Variants in TBC1D32 observed in about 807,000 individuals in gnomAD.
The protein encoded by TBC1D32 is TBC1 domain family member 32, also known as protein broad-minded.
A neutral mutation model predicts 170.3 loss-of-function variants in TBC1D32; 151 were observed. The observed-to-expected ratio is 0.89, with a 90% CI of 0.78 to 1.01. The LOEUF is 1.01. TBC1D32 is among the 50% of genes least tolerant of loss of function. The pLI is 0.00. For missense variants in TBC1D32, 1,464 were observed against 1,457.1 expected (o/e 1.00, Z -0.08); for synonymous variants, 498 against 488.0 (o/e 1.02, Z -0.27).
chr6:121,155,691 G>A (rs1274227929), intron 24 of TBC1D32, among the ~76,000 whole-genome samples: 1 of 152,052 alleles, frequency 6.6e-6, no homozygotes, highest in Middle Eastern at 3.2e-3. Context: ...TTTATGCCTA[G>A]CCTATTGAGG....
intron 24 of TBC1D32, among the ~76,000 whole-genome samples, chr6:121,132,931 G>A (rs914957843): frequency 6.6e-6 from 1 of 151,926 alleles, no homozygotes; most frequent in African/African-American, 2.4e-5. Context: ...GGTGACGAAA[G>A]AGGCAAAGAT....
chr6:121,110,930 G>A (rs1779142742), intron 29 of TBC1D32, among the ~76,000 whole-genome samples: 1 of 152,100 alleles, frequency 6.6e-6, no homozygotes, highest in Admixed American at 6.6e-5. Context: ...CATTCAACTT[G>A]ATGTATTTGT....
intron 24 of TBC1D32, 104 bp downstream of exon 24, chr6:121,159,906 A>T: frequency 1.3e-6 from 1 of 755,868 alleles, no homozygotes; most frequent in South Asian, 1.8e-5. Flanking sequence ...ACACATGTAT[A>T]CATGCTAAAT....
chr6:121,203,266 T>C (rs1791829299), intron 22 of TBC1D32, among the ~76,000 whole-genome samples: 1 of 151,388 alleles, frequency 6.6e-6, no homozygotes, highest in Non-Finnish European at 1.5e-5. Flanking sequence ...CTTACAAATA[T>C]ACCTGACCTA....
intron 1 of TBC1D32, among the ~76,000 whole-genome samples, chr6:121,322,781 T>C (rs749722275): frequency 3.9e-5 from 6 of 152,210 alleles, no homozygotes; most frequent in Non-Finnish European, 7.4e-5. Context: ...GGTTGAAATA[T>C]AGCATTGGGG....
chr6:121,137,635 T>C (rs1349859467), intron 24 of TBC1D32, among the ~76,000 whole-genome samples: 1 of 151,954 alleles, frequency 6.6e-6, no homozygotes, highest in Non-Finnish European at 1.5e-5. Flanking sequence ...GTAAGCATTA[T>C]AATCTTTTTA....
intron 21 of TBC1D32, among the ~76,000 whole-genome samples, chr6:121,216,705 T>C (rs1793869369): frequency 6.6e-6 from 1 of 152,144 alleles, no homozygotes; most frequent in African/African-American, 2.4e-5. Context: ...ATGAAGCTGG[T>C]TGGTTGCTTC....
chr6:121,223,277 T>C lies in TBC1D32; in HGVS notation c.2440A>G (p.Lys814Glu), dbSNP rs745953529. The C allele has an allele frequency of 4.4e-6, 7 of 1,591,924 alleles. No homozygotes were observed. The highest frequency in any genetic ancestry group is 1.7e-4 in the Middle Eastern group (1 of 6,032). ...ACTTCACGAAGAGAATATTCTGTTTTATTAGGAAGATCTTGATTCCTTACA... is the reference window on the plus strand; with the variant it reads ...ACTTCACGAAGAGAATATTCTGTTTCATTAGGAAGATCTTGATTCCTTACA... ...ELVRNQDLPN[K>E]TEYSLREVPT... The change falls in exon 21 of 32, where the codon AAA becomes GAA. Residue 814 changes from lysine to glutamate, a missense_variant. This residue lies in a region of TBC1D32 where 1,363 missense variants were observed against 1,338.1 expected (regional missense o/e 1.02). Transcript: ENST00000398212.
At chr6:121,278,877 CAT>C (rs143124228) in intron 15 of TBC1D32, among the ~76,000 whole-genome samples, 4,972 of 152,026 alleles carry the variant, frequency 0.033, 186 homozygotes, top group East Asian at 0.12. Context: ...TTGACTTAAT[CAT>C]GTGTGACAAA....
In TBC1D32 at chr6:121,204,546, T is replaced by A. The variant is rs1205407389; in HGVS notation, c.2570+529A>T. Among the ~76,000 whole-genome samples the A allele has an allele frequency of 3.3e-5, 5 of 151,326 alleles. No individual in the cohort carries two copies. In the East Asian group the frequency reaches 9.6e-4, roughly 29 times the overall value. On this transcript the variant is annotated intron_variant, in intron 22 of 31. Coordinates refer to ENST00000398212, the MANE Select transcript of TBC1D32 (RefSeq NM_152730.6). ...TACATATGACCAAAAGACTGTGAAT[T>A]TCATGAGTCCCTGTAGCCCTACCAA... is the stretch of plus-strand genomic sequence containing the variant.
chr6:121,088,098 G>A lies in TBC1D32; in HGVS notation c.3654+2755C>T, dbSNP rs114367050. 1.5e-3 allele frequency among the ~76,000 whole-genome samples: 232 copies of A among 151,830 alleles called. 1 individual carries two copies. Among genetic ancestry groups the A allele is most frequent in the African/African-American group, 5.4e-3 (224 of 41,428 alleles). ...CCTCAGTAGCTGGGACTATAGGTGT[G>A]TGCCACCACACCTAGCTAATTTTTG... On this transcript the variant is annotated intron_variant, in intron 31 of 31. Coordinates refer to ENST00000398212, the MANE Select transcript of TBC1D32 (RefSeq NM_152730.6).
At chr6:121,285,872 A>T (rs1275834172) in intron 12 of TBC1D32, among the ~76,000 whole-genome samples, 1 of 152,194 alleles carries the variant, frequency 6.6e-6, no homozygotes, top group Non-Finnish European at 1.5e-5. Context: ...ATACCCAGGC[A>T]AACAGGGTCT....
intron 22 of TBC1D32, among the ~76,000 whole-genome samples, chr6:121,189,077 T>C (rs1234827761): frequency 6.6e-6 from 1 of 152,212 alleles, no homozygotes; most frequent in Non-Finnish European, 1.5e-5. Context: ...AAGAAAAATA[T>C]TTGAGGTAAA....
intron 30 of TBC1D32, among the ~76,000 whole-genome samples, chr6:121,103,014 C>T (rs1778296127): frequency 1.3e-5 from 2 of 152,058 alleles, no homozygotes; most frequent in Non-Finnish European, 1.5e-5. Flanking sequence ...CAGAGAAATG[C>T]AAATCAAAAC....
chr6:121,100,989 G>A (rs1298510223), intron 30 of TBC1D32, among the ~76,000 whole-genome samples: 1 of 152,050 alleles, frequency 6.6e-6, no homozygotes, highest in Non-Finnish European at 1.5e-5. Context: ...AAATCTAGAA[G>A]AAATGGATAA....
chr6:121,292,218 A>G, intron 11 of TBC1D32, 25 bp from the exon 12 acceptor site: 3 of 1,563,982 alleles, frequency 1.9e-6, no homozygotes, highest in Non-Finnish European at 2.6e-6. Flanking sequence ...AAACACGAAT[A>G]TTTATTTAGT....
At chr6:121,297,549 GACAGCCA>G in intron 10 of TBC1D32, among the ~76,000 whole-genome samples, 1 of 152,074 alleles carries the variant, frequency 6.6e-6, no homozygotes, top group South Asian at 2.1e-4. Flanking sequence ...TATTTAGGCC[GACAGCCA>G]AAACTTTTAA....
At chr6:121,284,679 T>C (rs919827169) in intron 12 of TBC1D32, among the ~76,000 whole-genome samples, 7 of 152,218 alleles carry the variant, frequency 4.6e-5, no homozygotes, top group South Asian at 4.2e-4. Context: ...TATGCTAATA[T>C]AGTAGAATAA....
chr6:121,130,071 T>TTA (rs1437917987), intron 25 of TBC1D32: 3 of 336,356 alleles, frequency 8.9e-6, no homozygotes, highest in Non-Finnish European at 1.7e-5. Flanking sequence ...CTTTTTATAA[T>TTA]TATGAGTAAT....
Sources: allele counts gnomAD v4.1 joint callset (sites outside exome capture counted in the v4.1 genomes callset), GRCh38; gene constraint gnomAD v4.1.1; regional missense constraint gnomAD v4.1.1; transcripts MANE v1.5; gene names NCBI Gene and HGNC (gene_info 2026-07-23, HGNC 2026-07-21).